IPO11: variants seen among roughly 807,000 people sequenced by gnomAD.
IPO11 encodes importin 11.
In IPO11, 66 loss-of-function variants were observed where a neutral mutation model predicts 143.2. The ratio of observed to expected loss-of-function variants is 0.46; its 90% CI spans 0.38 to 0.57. The LOEUF (loss-of-function observed/expected upper bound fraction) is 0.57, where lower values mean the gene tolerates loss of function less well. IPO11 is among the 20% of genes least tolerant of loss of function. The pLI is 0.00. For missense variants in IPO11, 1,026 were observed against 1,141.0 expected, an observed-to-expected ratio of 0.90 and a Z score of 1.45; for synonymous variants, 385 against 377.8, an observed-to-expected ratio of 1.02 and a Z score of -0.22.
intron 12 of IPO11, 75 bp from the exon 13 acceptor site, chr5:62,487,696 A>C (rs1746461374): frequency 1.6e-6 from 2 of 1,289,408 alleles, no homozygotes; most frequent in Non-Finnish European, 2.0e-6. Flanking sequence ...AAGATTAAGT[A>C]TTTGCTTTAT....
chr5:62,519,457 T>G (rs963421854), intron 20 of IPO11, among the ~76,000 whole-genome samples: 15 of 152,220 alleles, frequency 9.9e-5, no homozygotes, highest in Non-Finnish European at 2.2e-4. Context: ...ATTGTAGGCA[T>G]TACTTCTTGA....
chr5:62,546,598 A>T (rs1320715938), intron 24 of IPO11, among the ~76,000 whole-genome samples: 4 of 151,110 alleles, frequency 2.6e-5, no homozygotes, highest in Non-Finnish European at 5.9e-5. Flanking sequence ...GAAGTATATA[A>T]AAAAAAAACC....
intron 27 of IPO11, chr5:62,579,897 T>C: frequency 6.4e-7 from 1 of 1,550,684 alleles, no homozygotes; most frequent in Admixed American, 2.0e-5. Flanking sequence ...GAGTATTTAA[T>C]GATCTAGTTT....
At chr5:62,545,511 G>A (rs1454841614) in intron 24 of IPO11, among the ~76,000 whole-genome samples, 1 of 152,178 alleles carries the variant, frequency 6.6e-6, no homozygotes, top group Non-Finnish European at 1.5e-5. Context: ...AGAAAACCTA[G>A]GCAATACAAT....
chr5:62,417,991 T>C (rs1743363902), intron 1 of IPO11, among the ~76,000 whole-genome samples: 1 of 152,088 alleles, frequency 6.6e-6, no homozygotes, highest in East Asian at 1.9e-4. Context: ...AACTAGCCAT[T>C]ATTTATTTAT....
intron 27 of IPO11, chr5:62,581,471 CA>C: frequency 1.6e-6 from 1 of 611,590 alleles, no homozygotes; most frequent in Non-Finnish European, 2.7e-6. Flanking sequence ...ATTCATTTAG[CA>C]AATATTTTCT....
intron 1 of IPO11, among the ~76,000 whole-genome samples, chr5:62,416,903 A>T (rs1186605085): frequency 1.3e-5 from 2 of 150,790 alleles, no homozygotes; most frequent in Non-Finnish European, 3.0e-5. Flanking sequence ...CTAATTTTTG[A>T]ATTTTTTTTT....
chr5:62,529,400 G>A (rs1187742227), intron 21 of IPO11, among the ~76,000 whole-genome samples: 1 of 151,948 alleles, frequency 6.6e-6, no homozygotes, highest in South Asian at 2.1e-4. Context: ...AAAGAAACTT[G>A]ATTTCCTAGG....
At chr5:62,620,884 T>G (rs779020836) in intron 29 of IPO11, among the ~76,000 whole-genome samples, 11 of 152,188 alleles carry the variant, frequency 7.2e-5, no homozygotes, top group Non-Finnish European at 1.3e-4. Context: ...AGGAAGTCCA[T>G]TCAAACGGAT....
intron 24 of IPO11, among the ~76,000 whole-genome samples, chr5:62,540,236 T>TTTTATGTATACTTTTATA (rs536455282): frequency 1.3e-3 from 204 of 152,318 alleles, no homozygotes; most frequent in African/African-American, 4.6e-3. Flanking sequence ...TATGCTGCCC[T>TTTTATGTATACTTTTATA]GCTACTTTTA....
rs185405486 is a variant in IPO11 at position 62,442,482 on chromosome 5, C to G, written c.139-501C>G. 5.3e-3 allele frequency among the ~76,000 whole-genome samples: 806 copies of G among 152,212 alleles called. 2 individuals carry two copies. Among genetic ancestry groups the G allele is most frequent in the Non-Finnish European group, 8.8e-3 (598 of 68,014 alleles). On this transcript the variant is annotated intron_variant, in intron 2 of 29. Transcript: ENST00000325324. ...AACATACAACTGAGCAGGTGTACTTCTTATATGAATTGTAGAACTATATAT... is the reference window on the plus strand; with the variant it reads ...AACATACAACTGAGCAGGTGTACTTGTTATATGAATTGTAGAACTATATAT...
At chr5:62,429,717 G>A (rs1016427551) in intron 1 of IPO11, among the ~76,000 whole-genome samples, 8 of 151,904 alleles carry the variant, frequency 5.3e-5, no homozygotes, top group Non-Finnish European at 1.0e-4. Context: ...TCTGCCTCCC[G>A]GGTTCAAGCG....
chr5:62,498,708 A>G (rs1269459954), intron 16 of IPO11, among the ~76,000 whole-genome samples: 1 of 152,156 alleles, frequency 6.6e-6, no homozygotes, highest in East Asian at 1.9e-4. Flanking sequence ...CATCTCCACT[A>G]AAGATACAAA....
chr5:62,477,834 G>T (rs1746014457), intron 9 of IPO11, among the ~76,000 whole-genome samples: 1 of 152,164 alleles, frequency 6.6e-6, no homozygotes, highest in Admixed American at 6.5e-5. Context: ...TGGATAGATG[G>T]TATCTGTAAT....
At chr5:62,542,903 C>A (rs1051502728) in intron 24 of IPO11, among the ~76,000 whole-genome samples, 1 of 152,010 alleles carries the variant, frequency 6.6e-6, no homozygotes, top group Admixed American at 6.6e-5. Context: ...CTTAAGATGA[C>A]ACAAATATTT....
At chr5:62,518,339 G>C (rs988953416) in intron 20 of IPO11, among the ~76,000 whole-genome samples, 1 of 152,014 alleles carries the variant, frequency 6.6e-6, no homozygotes, top group African/African-American at 2.4e-5. Flanking sequence ...AGCTACTCAG[G>C]AGGCTGAGGC....
intron 1 of IPO11, among the ~76,000 whole-genome samples, chr5:62,416,154 ATCTT>A (rs1404719065): frequency 7.1e-6 from 1 of 140,392 alleles, no homozygotes; most frequent in Non-Finnish European, 1.6e-5. Flanking sequence ...CCTCTGCTGT[ATCTT>A]TCTGTTTTCT....
In IPO11 at chr5:62,620,720, G is replaced by A. The variant is rs114294406; in HGVS notation, c.2764-6434G>A. 4.4e-3 allele frequency among the ~76,000 whole-genome samples: 667 copies of A among 152,248 alleles called. 7 individuals are homozygous for A. The highest frequency in any genetic ancestry group is 0.015 in the African/African-American group (643 of 41,534). Reference sequence around the variant, plus strand: ...ATCATGCAGATGAAGCCTCCAGGTGGCAGGCTTCAAAGAGAATAAATTATA... The same window carrying A: ...ATCATGCAGATGAAGCCTCCAGGTGACAGGCTTCAAAGAGAATAAATTATA... On this transcript the variant is annotated intron_variant, in intron 29 of 29. Transcript: ENST00000325324.
At chr5:62,472,423 A>G (rs1244581330) in intron 7 of IPO11, among the ~76,000 whole-genome samples, 2 of 152,056 alleles carry the variant, frequency 1.3e-5, no homozygotes, top group East Asian at 1.9e-4. Context: ...TCACATGTCA[A>G]CCTTTACTCA....
Sources: gnomAD v4.1 joint callset for allele counts (sites outside exome capture counted in the v4.1 genomes callset) on GRCh38, gnomAD v4.1.1 for gene constraint, MANE v1.5 for transcripts, NCBI Gene and HGNC (gene_info 2026-07-23, HGNC 2026-07-21) for gene names.